ALPK3: variants seen among roughly 807,000 people sequenced by gnomAD.
ALPK3 encodes the protein alpha-protein kinase 3.
ALPK3 carries 102 observed loss-of-function variants against 140.0 expected under a neutral mutation model. That is an observed-to-expected ratio of 0.73 (90% confidence interval 0.62 to 0.86). ALPK3 has a LOEUF of 0.86. Among genes scored for constraint, ALPK3 ranks in the 40% least tolerant of loss-of-function variants. The pLI is 0.00. For missense variants in ALPK3, 2,254 were observed against 2,208.2 expected, an observed-to-expected ratio of 1.02 and a Z score of -0.42; for synonymous variants, 938 against 898.5, an observed-to-expected ratio of 1.04 and a Z score of -0.79.
chr15:84,867,181 G>A, intron 12 of ALPK3, 136 bp from the exon 13 acceptor site: 1 of 540,434 alleles, frequency 1.9e-6, no homozygotes. Flanking sequence ...ATGCCAGCCT[G>A]GGCTGGTTCT....
chr15:84,839,121 C>A (rs1428768583), intron 4 of ALPK3, 24 bp downstream of exon 4: 2 of 1,579,288 alleles, frequency 1.3e-6, no homozygotes, highest in Admixed American at 3.5e-5. Flanking sequence ...GCCTGTTTTG[C>A]TCTCTCTGCC....
chr15:84,823,368 G>A lies in ALPK3; in HGVS notation c.182G>A (p.Arg61Lys), dbSNP rs1290376226. 6.2e-7 allele frequency: 1 copy of A among 1,614,148 alleles called. No homozygotes were observed. The highest frequency in any genetic ancestry group is 8.5e-7 in the Non-Finnish European group (1 of 1,180,006). Residue 61 changes from arginine (R) to lysine (K), a missense_variant and splice_region_variant, in exon 2 of 14, where the codon AGG (arginine) becomes AAG (lysine). By Grantham distance (26) the Arg-to-Lys change is conservative (BLOSUM62 2). Transcript: ENST00000258888. ...SNRLSHPSSG[R>K]STFCSIIAQL... The stretch of plus-strand genomic sequence containing the variant: ...CGGTTGTCTCACCCCAGCTCTGGAA[G>A]GTAAATGCATATTGCACTACATTTC...
intron 5 of ALPK3, among the ~76,000 whole-genome samples, chr15:84,848,789 C>A (rs1352629745): frequency 6.6e-6 from 1 of 152,064 alleles, no homozygotes; most frequent in African/African-American, 2.4e-5. Context: ...CATGCAAACA[C>A]TAATCAGATG....
Position 84,859,831 on chromosome 15 carries a change from T to C in ALPK3, c.4021T>C (p.Cys1341Arg), listed in dbSNP as rs369768389. The change falls in exon 8 of 14, where the codon TGC becomes CGC. Residue 1341 changes from cysteine (C) to arginine (R), a missense_variant. By Grantham distance (180) the Cys-to-Arg change is radical (BLOSUM62 -3). This residue lies in a region of ALPK3 where 2,088 missense variants were observed against 2,022.9 expected (regional missense o/e 1.03). Transcript: ENST00000258888. ...CATCGTGCAGGCCTCCCCCGTAGACTGCGGTGTGTATCGGTGCACCATCCA... is the reference window on the plus strand; with the variant it reads ...CATCGTGCAGGCCTCCCCCGTAGACCGCGGTGTGTATCGGTGCACCATCCA... ...LAIVQASPVD[C>R]GVYRCTIHNE... 19 of 1,614,014 alleles carry C rather than the reference T, an allele frequency of 1.2e-5. 2 individuals carry two copies. The African/African-American group carries it at 2.0e-4, about 17-fold the overall frequency.
Position 84,827,543 on chromosome 15 carries a change from C to A in ALPK3, c.242C>A (p.Thr81Asn). ...LTEETQPLFE[T>N]TLKSRSVSED... The stretch of plus-strand genomic sequence containing the variant: ...GAGGAGACCCAGCCGCTATTTGAGA[C>A]CACGCTCAAGTCCCGGTCTGTGTCC... The change falls in exon 3 of 14, where the codon ACC becomes AAC. Residue 81 changes from threonine to asparagine, a missense_variant. By Grantham distance (65) the Thr-to-Asn change is moderately conservative. This residue lies in a region of ALPK3 where 2,088 missense variants were observed against 2,022.9 expected (regional missense o/e 1.03). Transcript: ENST00000258888. 6.2e-7 allele frequency: 1 copy of A among 1,614,226 alleles called. No homozygotes were observed. Among genetic ancestry groups the A allele is most frequent in the South Asian group, 1.1e-5 (1 of 91,084 alleles).
Position 84,859,878 on chromosome 15 carries a change from C to T in ALPK3, c.4068C>T (p.Ser1356=), listed in dbSNP as rs752856517. 27 of 1,613,960 alleles carry T rather than the reference C, an allele frequency of 1.7e-5. No individual in the cohort carries two copies. Among genetic ancestry groups the T allele is most frequent in the Middle Eastern group, 3.3e-4 (2 of 6,084 alleles). The change falls in exon 8 of 14, where the codon TCC becomes TCT. Residue 1356 remains serine, a synonymous_variant. Transcript: ENST00000258888. ...TCCACAATGAGCACGGCTCGGCCTCCACCGACTTCTGCCTCAGCCCTGAGG... is the reference window on the plus strand; with the variant it reads ...TCCACAATGAGCACGGCTCGGCCTCTACCGACTTCTGCCTCAGCCCTGAGG... ...CTIHNEHGSA[S]TDFCLSPEVL...
At chr15:84,820,862 G>A (rs928595476) in intron 1 of ALPK3, among the ~76,000 whole-genome samples, 5 of 152,116 alleles carry the variant, frequency 3.3e-5, no homozygotes, top group African/African-American at 1.2e-4. Flanking sequence ...GGGCTCCAGC[G>A]ATCCTCTTAC....
rs892600508 is a variant in ALPK3, at chr15:84,870,480, T to A, written c.*2024T>A. ...TCTCAGGAGAGACTACTTGTTAGGATTCTTGAGTTTTGACCAACAGAAATG... is the reference window on the plus strand; with the variant it reads ...TCTCAGGAGAGACTACTTGTTAGGAATCTTGAGTTTTGACCAACAGAAATG... On this transcript the variant is annotated 3_prime_UTR_variant, in exon 14 of 14. Coordinates refer to ENST00000258888, the MANE Select transcript of ALPK3 (RefSeq NM_020778.5). 3 of 152,212 alleles carry A rather than the reference T, an allele frequency of 2.0e-5. No individual in the cohort carries two copies. Among genetic ancestry groups the A allele is most frequent in the Non-Finnish European group, 2.9e-5 (2 of 68,044 alleles). 9.4% of individuals were successfully genotyped at this position (152,212 alleles called of 1,614,324 possible).
intron 9 of ALPK3, among the ~76,000 whole-genome samples, chr15:84,861,873 C>A (rs1963949534): frequency 6.6e-6 from 1 of 152,132 alleles, no homozygotes; most frequent in Non-Finnish European, 1.5e-5. Context: ...GTTGTTGCAA[C>A]TATGAATACA....
At chr15:84,850,411 C>G (rs888005023) in intron 5 of ALPK3, among the ~76,000 whole-genome samples, 3 of 152,126 alleles carry the variant, frequency 2.0e-5, no homozygotes, top group Admixed American at 1.3e-4. Flanking sequence ...GAGACAGGGT[C>G]TTACTCTATT....
intron 3 of ALPK3, among the ~76,000 whole-genome samples, chr15:84,828,919 A>G: frequency 6.6e-6 from 1 of 152,180 alleles, no homozygotes; most frequent in Non-Finnish European, 1.5e-5. Context: ...TGGCACTTAC[A>G]GTTTCCTAGA....
chr15:84,858,025 C>T lies in ALPK3; in HGVS notation c.3287C>T (p.Ser1096Phe). The T allele has an allele frequency of 1.3e-6, 2 of 1,581,098 alleles. No individual in the cohort carries two copies. Among genetic ancestry groups the T allele is most frequent in the Non-Finnish European group, 1.7e-6 (2 of 1,164,950 alleles). Residue 1096 changes from serine to phenylalanine, a missense_variant, in exon 6 of 14, where the codon TCC becomes TTC. Physicochemically the swap from Ser to Phe is radical, Grantham distance 155 (BLOSUM62 -2). Coordinates refer to ENST00000258888, the MANE Select transcript of ALPK3 (RefSeq NM_020778.5). ...EGASEGEGEV[S>F]PEGPGLLGAS... ...GCCAGTGAGGGTGAAGGAGAGGTTT[C>T]CCCTGAGGGGCCTGGCCTCCTGGGG...
rs964132771 is a variant in ALPK3 at position 84,839,859 on chromosome 15, C to T, written c.580C>T (p.Arg194Cys). ...KLKRKAAAKLREIEQSWKHEK... is the reference protein window; with the variant it reads ...KLKRKAAAKLCEIEQSWKHEK... Reference sequence around the variant, plus strand: ...GAAGCGCAAGGCTGCGGCAAAGCTGCGCGAGATCGAGCAGAGCTGGAAGCA... The same window carrying T: ...GAAGCGCAAGGCTGCGGCAAAGCTGTGCGAGATCGAGCAGAGCTGGAAGCA... The change falls in exon 5 of 14, where the codon CGC becomes TGC. Residue 194 changes from arginine to cysteine, a missense_variant. Physicochemically the swap from Arg to Cys is radical, Grantham distance 180 (BLOSUM62 -3). Coordinates refer to ENST00000258888, the MANE Select transcript of ALPK3 (RefSeq NM_020778.5). 3.7e-6 allele frequency: 6 copies of T among 1,613,964 alleles called. No individual in the cohort carries two copies. Among genetic ancestry groups the T allele is most frequent in the Non-Finnish European group, 8.5e-7 (1 of 1,180,036 alleles).
Position 84,839,858 on chromosome 15 carries a change from G to T in ALPK3, c.579G>T (p.Leu193=). The T allele has an allele frequency of 6.2e-7, 1 of 1,614,126 alleles. No individual in the cohort carries two copies. The highest frequency in any genetic ancestry group is 2.2e-5 in the East Asian group (1 of 44,872). ...AKLKRKAAAK[L]REIEQSWKHE... Reference sequence around the variant, plus strand: ...TGAAGCGCAAGGCTGCGGCAAAGCTGCGCGAGATCGAGCAGAGCTGGAAGC... The same window carrying T: ...TGAAGCGCAAGGCTGCGGCAAAGCTTCGCGAGATCGAGCAGAGCTGGAAGC... Residue 193 remains leucine (L), a synonymous_variant, in exon 5 of 14, where the codon CTG becomes CTT. Transcript: ENST00000258888.
intron 5 of ALPK3, among the ~76,000 whole-genome samples, chr15:84,854,719 A>G (rs1413718513): frequency 6.6e-6 from 1 of 152,092 alleles, no homozygotes; most frequent in Non-Finnish European, 1.5e-5. Flanking sequence ...TGGCTCTTAC[A>G]GGTGACACAG....
intron 5 of ALPK3, among the ~76,000 whole-genome samples, chr15:84,855,143 T>C (rs961739871): frequency 6.6e-6 from 1 of 152,254 alleles, no homozygotes; most frequent in African/African-American, 2.4e-5. Flanking sequence ...TCTGCTCTGC[T>C]CATCTGCCGT....
rs1964054844 is a variant in ALPK3 at position 84,870,366 on chromosome 15, A to C, written c.*1910A>C. 1 of 151,990 alleles carries C rather than the reference A, an allele frequency of 6.6e-6. No homozygotes were observed. The highest frequency in any genetic ancestry group is 2.4e-5 in the African/African-American group (1 of 41,338). The allele number at this position is 151,990 out of a possible 1,614,324, so 9.4% of individuals were successfully genotyped here. A position where few individuals can be genotyped will look rare whatever the true frequency, so the allele number is the denominator to read the frequency against. ...GTACTGTTCATTCATTTATTCATTCACCCACTCATTCAGCAGACATATACT... is the reference window on the plus strand; with the variant it reads ...GTACTGTTCATTCATTTATTCATTCCCCCACTCATTCAGCAGACATATACT... On this transcript the variant is annotated 3_prime_UTR_variant, in exon 14 of 14. Coordinates refer to ENST00000258888, the MANE Select transcript of ALPK3 (RefSeq NM_020778.5).
rs1385719535 is a variant in ALPK3, at chr15:84,864,666, G to A, written c.4723+1G>A. On this transcript the variant is annotated splice_donor_variant, in intron 12 of 13. Transcript: ENST00000258888. LOFTEE classifies it high-confidence loss of function. ...AGCTTCCTTGTCACAGACTTGGCAG[G>A]TACGAGGGTGTGAGGGTGCACGGGT... 1 of 1,613,636 alleles carries A rather than the reference G, an allele frequency of 6.2e-7. No homozygotes were observed. The highest frequency in any genetic ancestry group is 8.5e-7 in the Non-Finnish European group (1 of 1,179,508).
intron 5 of ALPK3, among the ~76,000 whole-genome samples, chr15:84,850,384 TTA>T (rs929285682): frequency 6.6e-6 from 1 of 152,118 alleles, no homozygotes; most frequent in African/African-American, 2.4e-5. Context: ...ATTTTTATTT[TTA>T]TGTTTTTATT....
Sources: gnomAD v4.1 joint callset for allele counts (sites outside exome capture counted in the v4.1 genomes callset) on GRCh38, gnomAD v4.1.1 for gene constraint, gnomAD v4.1.1 regional missense constraint, MANE v1.5 for transcripts, NCBI Gene and HGNC (gene_info 2026-07-23, HGNC 2026-07-21) for gene names.